CNR1: variants seen among roughly 807,000 people sequenced by gnomAD.
The protein encoded by CNR1 is cannabinoid receptor 1.
Under a neutral mutation model 23.0 loss-of-function variants are expected in CNR1, and 10 were observed. That is an observed-to-expected ratio of 0.43 (90% CI 0.27 to 0.74). CNR1 has a LOEUF of 0.74. Ranked by LOEUF, CNR1 falls within the 30% of genes least tolerant of loss-of-function variation. The pLI, the probability that CNR1 is intolerant of heterozygous loss-of-function variation, is 0.19. For missense variants in CNR1, 422 were observed against 618.8 expected (o/e 0.68, Z 3.37); for synonymous variants, 271 against 255.2 (o/e 1.06, Z -0.59).
Position 88,143,728 on chromosome 6 carries a change from G to T in CNR1, c.*128C>A. On this transcript the variant is annotated 3_prime_UTR_variant, in exon 2 of 2. Coordinates refer to ENST00000369501, the MANE Select transcript of CNR1 (RefSeq NM_016083.6). ...CATTAGCAAACTGATAAGTGATCATGGTGACAATCACCTTTTCATTGAGCA... is the reference window on the plus strand; with the variant it reads ...CATTAGCAAACTGATAAGTGATCATTGTGACAATCACCTTTTCATTGAGCA... 1.4e-6 allele frequency: 1 copy of T among 705,984 alleles called. No homozygotes were observed. The allele number at this position is 705,984 out of a possible 1,614,324, so 43.7% of individuals were successfully genotyped here. A position where few individuals can be genotyped will look rare whatever the true frequency, so the allele number is the denominator to read the frequency against.
intron 1 of CNR1, among the ~76,000 whole-genome samples, chr6:88,149,468 T>G (rs572632750): frequency 6.6e-6 from 1 of 152,280 alleles, no homozygotes; most frequent in South Asian, 2.1e-4. Flanking sequence ...CATTTACATA[T>G]GGAAAGTTTT....
Position 88,140,814 on chromosome 6 carries a change from G to C in CNR1, c.*3042C>G, listed in dbSNP as rs1776769896. Reference sequence around the variant, plus strand: ...AGACTTAACTCAAAGTGCCAGAGAGGCTTGGAAATCATCTCAAGTGTAGGA... The same window carrying C: ...AGACTTAACTCAAAGTGCCAGAGAGCCTTGGAAATCATCTCAAGTGTAGGA... On this transcript the variant is annotated 3_prime_UTR_variant, in exon 2 of 2. Transcript: ENST00000369501. The C allele has an allele frequency of 6.6e-6, 1 of 152,428 alleles. No individual in the cohort carries two copies. Among genetic ancestry groups the C allele is most frequent in the South Asian group, 2.1e-4 (1 of 4,822 alleles). 9.4% of individuals were successfully genotyped at this position (152,428 alleles called of 1,614,324 possible). A position where few individuals can be genotyped will look rare whatever the true frequency, so the allele number is the denominator to read the frequency against.
chr6:88,144,446 T>C lies in CNR1; in HGVS notation c.829A>G (p.Met277Val). 1 of 1,614,072 alleles carries C rather than the reference T, an allele frequency of 6.2e-7. No homozygotes were observed. Among genetic ancestry groups the C allele is most frequent in the Non-Finnish European group, 8.5e-7 (1 of 1,180,026 alleles). ...ACGCTGGTGACCCCGATCCAGAACA[T>C]CAGGTAGGTTTCATCAATGTGTGGG... ...IFPHIDETYL[M>V]FWIGVTSVLL... Residue 277 changes from methionine (M) to valine (V), a missense_variant, in exon 2 of 2, where the codon ATG becomes GTG. Met to Val is a conservative substitution (Grantham distance 21). Coordinates refer to ENST00000369501, the MANE Select transcript of CNR1 (RefSeq NM_016083.6). The surrounding 1 kb of genome is among the most constrained non-coding windows in gnomAD (Gnocchi z 7.8).
chr6:88,144,795 C>T lies in CNR1; in HGVS notation c.480G>A (p.Ala160=), dbSNP rs137907232. The T allele has an allele frequency of 7.8e-5, 126 of 1,614,142 alleles. No homozygotes were observed. The African/African-American group carries it at 9.1e-4, about 12-fold the overall frequency. ...TGACACTCCCCAGGAGGTCTGCCAC[C>T]GCCAGGCTGCCGATGAAGTGGTAGG... ...RPSYHFIGSL[A]VADLLGSVIF... is the part of the protein sequence containing the mutation. The change falls in exon 2 of 2, where the codon GCG becomes GCA. Residue 160 remains alanine, a synonymous_variant. Coordinates refer to ENST00000369501, the MANE Select transcript of CNR1 (RefSeq NM_016083.6). This position sits in a 1 kb window ranked among gnomAD's most constrained non-coding sequence, Gnocchi z 7.8.
chr6:88,146,584 A>G (rs2127832423), intron 1 of CNR1, among the ~76,000 whole-genome samples: 1 of 152,362 alleles, frequency 6.6e-6, no homozygotes, highest in African/African-American at 2.4e-5. Flanking sequence ...ATTCTAAGCT[A>G]AGCAATTTGG....
At chr6:88,154,265 A>T (rs528794531) in intron 1 of CNR1, among the ~76,000 whole-genome samples, 1 of 152,324 alleles carries the variant, frequency 6.6e-6, no homozygotes, top group East Asian at 1.9e-4. Context: ...AGTGTAGTAG[A>T]CTGTACTTCT....
intron 1 of CNR1, among the ~76,000 whole-genome samples, chr6:88,146,475 T>C (rs960705371): frequency 1.3e-5 from 2 of 152,192 alleles, no homozygotes; most frequent in African/African-American, 4.8e-5. Context: ...AGCAGGTTGG[T>C]GACACAAGTG....
At chr6:88,151,622 G>A (rs1013715980) in intron 1 of CNR1, among the ~76,000 whole-genome samples, 1 of 151,704 alleles carries the variant, frequency 6.6e-6, no homozygotes, top group African/African-American at 2.4e-5. Context: ...TCATTACTTA[G>A]TATTATGGCT....
rs774890934 is a variant in CNR1 at position 88,145,185 on chromosome 6, G to A, written c.90C>T (p.Tyr30=). Residue 30 remains tyrosine (Y), a synonymous_variant, in exon 2 of 2, where the codon TAC becomes TAT. Transcript: ENST00000369501. ...ATGCCATGTCACCTTTGATGTCTTC[G>A]TACTGAATGTCATTTGAGCCCACGT... ...LLYVGSNDIQ[Y]EDIKGDMASK... The A allele has an allele frequency of 6.8e-6, 11 of 1,614,084 alleles. No homozygotes were observed. The highest frequency in any genetic ancestry group is 1.6e-4 in the Middle Eastern group (1 of 6,062).
chr6:88,160,009 T>A (rs1015917638), intron 1 of CNR1, among the ~76,000 whole-genome samples: 1 of 152,036 alleles, frequency 6.6e-6, no homozygotes, highest in African/African-American at 2.4e-5. Flanking sequence ...TCAACCATTA[T>A]ATTGGTTAAC....
upstream of CNR1, among the ~76,000 whole-genome samples, chr6:88,166,717 T>C (rs531820196): frequency 6.6e-6 from 1 of 152,106 alleles, no homozygotes; most frequent in South Asian, 2.1e-4. Flanking sequence ...CTCGGGGCCA[T>C]TAATCACACG....
chr6:88,156,292 C>T (rs1777791606), intron 1 of CNR1, among the ~76,000 whole-genome samples: 1 of 152,150 alleles, frequency 6.6e-6, no homozygotes, highest in African/African-American at 2.4e-5. Flanking sequence ...ATTGGGCATA[C>T]AGTCTGTGCC....
At chr6:88,147,518 A>T (rs1777268837) in intron 1 of CNR1, 1 of 152,244 alleles carries the variant, frequency 6.6e-6, no homozygotes, top group African/African-American at 2.4e-5. Flanking sequence ...TGGGGACAGG[A>T]CACAGAGTCA....
rs772581293 is a variant in CNR1 at position 88,144,744 on chromosome 6, G to A, written c.531C>T (p.Phe177=). 1.9e-6 allele frequency: 3 copies of A among 1,614,072 alleles called. No homozygotes were observed. The African/African-American group carries it at 4.0e-5, about 22-fold the overall frequency. The part of the protein sequence containing the change: ...SVIFVYSFID[F]HVFHRKDSRN... ...GGCTATCTTTGCGGTGGAACACGTGGAAGTCAATGAAGCTGTAGACAAAAA... is the reference window on the plus strand; with the variant it reads ...GGCTATCTTTGCGGTGGAACACGTGAAAGTCAATGAAGCTGTAGACAAAAA... The change falls in exon 2 of 2, where the codon TTC becomes TTT. Residue 177 remains phenylalanine, a synonymous_variant. Transcript: ENST00000369501. The surrounding 1 kb of genome is among the most constrained non-coding windows in gnomAD (Gnocchi z 7.8).
intron 1 of CNR1, among the ~76,000 whole-genome samples, chr6:88,160,506 C>T (rs1400156516): frequency 6.8e-6 from 1 of 148,114 alleles, no homozygotes; most frequent in Non-Finnish European, 1.5e-5. Context: ...GTGATCTTGG[C>T]TCACTGCAAC....
At chr6:88,150,940 C>T (rs1406524208) in intron 1 of CNR1, among the ~76,000 whole-genome samples, 1 of 152,166 alleles carries the variant, frequency 6.6e-6, no homozygotes, top group Non-Finnish European at 1.5e-5. Context: ...TTCTAGTCAC[C>T]TAAGTTCCTA....
At chr6:88,153,869 T>C (rs557713769) in intron 1 of CNR1, among the ~76,000 whole-genome samples, 1 of 152,246 alleles carries the variant, frequency 6.6e-6, no homozygotes, top group East Asian at 1.9e-4. Flanking sequence ...TCCACTCCAG[T>C]TGAATGGGCA....
chr6:88,143,650 T>G lies in CNR1; in HGVS notation c.*206A>C. 2 of 535,634 alleles carry G rather than the reference T, an allele frequency of 3.7e-6. No homozygotes were observed. The highest frequency in any genetic ancestry group is 6.6e-6 in the Non-Finnish European group (2 of 303,478). The allele number at this position is 535,634 out of a possible 1,614,324, so 33.2% of individuals were successfully genotyped here. A position where few individuals can be genotyped will look rare whatever the true frequency, so the allele number is the denominator to read the frequency against. ...CGTTCAGTCACTTAAACAACAGGCT[T>G]TCTTCACTGTAAACCCCTGGAGAAT... On this transcript the variant is annotated 3_prime_UTR_variant, in exon 2 of 2. Transcript: ENST00000369501.
intron 1 of CNR1, among the ~76,000 whole-genome samples, chr6:88,150,863 GT>G (rs1210940579): frequency 6.6e-6 from 1 of 152,182 alleles, no homozygotes; most frequent in East Asian, 1.9e-4. Context: ...GCAAACATAA[GT>G]TTGCAAGGAG....
Sources: allele counts gnomAD v4.1 joint callset (sites outside exome capture counted in the v4.1 genomes callset), GRCh38; gene constraint gnomAD v4.1.1; non-coding constraint Gnocchi (gnomAD v3.1); transcripts MANE v1.5; gene names NCBI Gene and HGNC (gene_info 2026-07-23, HGNC 2026-07-21).